Variants in ZNF469 observed in about 807,000 individuals in gnomAD.
ZNF469 encodes zinc finger protein 469.
Under a neutral mutation model 1.0 loss-of-function variants are expected in ZNF469, and 1 was observed. The observed-to-expected ratio is 1.00, with a 90% CI of 0.35 to 4.73. The LOEUF (loss-of-function observed/expected upper bound fraction) is 4.73, where lower values mean the gene tolerates loss of function less well. ZNF469 is among the 30% of genes most tolerant of loss of function. The pLI, the probability that ZNF469 is intolerant of heterozygous loss-of-function variation, is 0.16. For synonymous variants in ZNF469, 2,703 were observed against 2,363.4 expected (o/e 1.14, Z -4.17); for missense variants, 6,100 against 5,356.3 (o/e 1.14, Z -4.33).
Position 88,438,100 on chromosome 16 carries a change from C to T in ZNF469, c.10630C>T (p.Pro3544Ser). 5 of 1,550,380 alleles carry T rather than the reference C, an allele frequency of 3.2e-6. No homozygotes were observed. Among genetic ancestry groups the T allele is most frequent in the Non-Finnish European group, 4.4e-6 (5 of 1,146,964 alleles). Residue 3544 changes from proline (P) to serine (S), a missense_variant, in exon 3 of 3, where the codon CCA becomes TCA. Pro to Ser is a moderately conservative substitution (Grantham distance 74). Coordinates refer to ENST00000565624, the MANE Select transcript of ZNF469 (RefSeq NM_001367624.2). ...CCACCCGATCAGAGGTTGTGAGCTG[C>T]CATCCAACCACCAGGAGTGTCCCCC... ...VTHPIRGCEL[P>S]SNHQECPPPS...
At chr16:88,244,439 GGATA>G in the ZNF469 span, among the ~76,000 whole-genome samples, 4 of 148,434 alleles carry the variant, frequency 2.7e-5, 1 homozygote, top group Admixed American at 2.0e-4. Context: ...ATGGATAGGT[GGATA>G]GATGGATGGA....
the ZNF469 span, among the ~76,000 whole-genome samples, chr16:88,136,680 T>C: frequency 0.023 from 3,501 of 152,358 alleles, 126 homozygotes; most frequent in African/African-American, 0.08. Flanking sequence ...GTCTGATGGC[T>C]CATCTCATCC....
At position 88,432,465 on chromosome 16, in the gene ZNF469, T is replaced by C. The variant is rs1224221918; in HGVS notation, c.4995T>C (p.His1665=). ...CGTGGCCCTGCCCAGCCTCCTTCCA[T>C]CCGGGACATGCAGCCCTTCTCCCCT... is the stretch of plus-strand genomic sequence containing the variant. ...GGTWPCPASF[H]PGHAALLPCA... is the part of the protein sequence containing the mutation. Residue 1665 remains histidine (H), a synonymous_variant, in exon 3 of 3, where the codon CAT becomes CAC. Coordinates refer to ENST00000565624, the MANE Select transcript of ZNF469 (RefSeq NM_001367624.2). 3 of 1,550,330 alleles carry C rather than the reference T, an allele frequency of 1.9e-6. No individual in the cohort carries two copies. In the African/African-American group the frequency reaches 4.1e-5, roughly 21 times the overall value.
At chr16:88,425,545 G>C (rs1257496673) in intron 2 of ZNF469, among the ~76,000 whole-genome samples, 1 of 152,184 alleles carries the variant, frequency 6.6e-6, no homozygotes, top group Non-Finnish European at 1.5e-5. Context: ...CACTGGCTGA[G>C]GCCTTGAGCG....
At chr16:88,305,394 G>GCA in the ZNF469 span, among the ~76,000 whole-genome samples, 94 of 117,362 alleles carry the variant, frequency 8.0e-4, 1 homozygote, top group East Asian at 0.017. Context: ...CCTCACATGT[G>GCA]CACACACACG....
the ZNF469 span, among the ~76,000 whole-genome samples, chr16:88,155,748 C>T: frequency 6.6e-6 from 1 of 152,234 alleles, no homozygotes; most frequent in Non-Finnish European, 1.5e-5. Flanking sequence ...ACAAATAACG[C>T]TGCTGAAAAC....
chr16:88,409,041 A>ATGGGGC (rs1249644761), intron 1 of ZNF469, among the ~76,000 whole-genome samples: 1 of 152,140 alleles, frequency 6.6e-6, no homozygotes, highest in South Asian at 2.1e-4. Flanking sequence ...TGCAGGGGAG[A>ATGGGGC]TGGGGCTGGG....
At chr16:88,384,924 C>G (rs911088154) in intron 1 of ZNF469, among the ~76,000 whole-genome samples, 4 of 152,174 alleles carry the variant, frequency 2.6e-5, no homozygotes, top group African/African-American at 7.2e-5. Context: ...GCAGCCTGTT[C>G]CAGCCATTCC....
At chr16:88,124,386 C>G in the ZNF469 span, among the ~76,000 whole-genome samples, 1 of 152,046 alleles carries the variant, frequency 6.6e-6, no homozygotes, top group African/African-American at 2.4e-5. Context: ...CCATCACACC[C>G]TGCTAATTTT....
At chr16:88,328,432 G>C in the ZNF469 span, among the ~76,000 whole-genome samples, 4 of 152,284 alleles carry the variant, frequency 2.6e-5, no homozygotes, top group South Asian at 8.3e-4. Flanking sequence ...AAACGCCATG[G>C]CAGTTCTCAG....
chr16:88,169,333 G>A, the ZNF469 span, among the ~76,000 whole-genome samples: 7 of 152,178 alleles, frequency 4.6e-5, no homozygotes, highest in Non-Finnish European at 8.8e-5. The surrounding 1 kb of genome is among the most constrained non-coding windows in gnomAD (Gnocchi z 6.1). Context: ...ACATGGAAAC[G>A]GAGGTGCAGG....
At chr16:88,193,934 C>T in the ZNF469 span, among the ~76,000 whole-genome samples, 11 of 152,310 alleles carry the variant, frequency 7.2e-5, no homozygotes, top group African/African-American at 2.6e-4. Context: ...GGCTCTGCTT[C>T]TTAACCTCGT....
chr16:88,404,380 G>A (rs763881290), intron 1 of ZNF469, among the ~76,000 whole-genome samples: 5 of 152,222 alleles, frequency 3.3e-5, no homozygotes, highest in African/African-American at 7.2e-5. Context: ...CCGGCGGTGC[G>A]TGTGCTGTTA....
the ZNF469 span, among the ~76,000 whole-genome samples, chr16:88,210,047 G>C: frequency 2.0e-5 from 3 of 152,218 alleles, no homozygotes; most frequent in Non-Finnish European, 2.9e-5. Context: ...GCTTTCTCAT[G>C]GGAACATGTT....
At position 88,437,846 on chromosome 16, in the gene ZNF469, C is replaced by T. The variant is rs1368107645; in HGVS notation, c.10376C>T (p.Pro3459Leu). The T allele has an allele frequency of 2.9e-5, 44 of 1,539,872 alleles. No homozygotes were observed. The highest frequency in any genetic ancestry group is 3.6e-5 in the South Asian group (3 of 83,676). Reference protein sequence around the residue: ...AFRGVRRPGAPGQKARALEGT... With the variant: ...AFRGVRRPGALGQKARALEGT... The stretch of plus-strand genomic sequence containing the variant: ...CGCGGCGTGCGGAGGCCGGGAGCGC[C>T]GGGACAGAAGGCCCGGGCCCTCGAG... The change falls in exon 3 of 3, where the codon CCG becomes CTG. Residue 3459 changes from proline to leucine, a missense_variant. Transcript: ENST00000565624.
the ZNF469 span, among the ~76,000 whole-genome samples, chr16:88,158,793 A>ACTGGGGT: frequency 2.6e-5 from 4 of 152,104 alleles, no homozygotes; most frequent in Non-Finnish European, 5.9e-5. Flanking sequence ...TGCAGACAGG[A>ACTGGGGT]CTGGGGTCTG....
chr16:88,391,315 C>T (rs571282572), intron 1 of ZNF469, among the ~76,000 whole-genome samples: 6 of 152,374 alleles, frequency 3.9e-5, no homozygotes, highest in Non-Finnish European at 8.8e-5. Flanking sequence ...AAGCTGCCAC[C>T]TCTTGCTTGG....
intron 1 of ZNF469, among the ~76,000 whole-genome samples, chr16:88,389,980 A>G (rs1904439888): frequency 6.6e-6 from 1 of 152,152 alleles, no homozygotes; most frequent in African/African-American, 2.4e-5. Flanking sequence ...CGGCCTGCGG[A>G]GGGCCCCGCT....
At chr16:88,320,862 A>G in the ZNF469 span, among the ~76,000 whole-genome samples, 1 of 152,210 alleles carries the variant, frequency 6.6e-6, no homozygotes, top group Non-Finnish European at 1.5e-5. Context: ...GCACACGCCC[A>G]ACACGAGTCC....
Sources: allele counts gnomAD v4.1 joint callset (sites outside exome capture counted in the v4.1 genomes callset), GRCh38; gene constraint gnomAD v4.1.1; non-coding constraint Gnocchi (gnomAD v3.1); transcripts MANE v1.5; gene names NCBI Gene and HGNC (gene_info 2026-07-23, HGNC 2026-07-21).